Variants in FBXW12 observed in about 807,000 individuals in gnomAD.
The protein encoded by FBXW12 is F-box/WD repeat-containing protein 12.
In FBXW12, 43 loss-of-function variants were observed where a neutral mutation model predicts 55.3. That is an observed-to-expected ratio of 0.78 (90% CI 0.61 to 1.00). FBXW12 has a LOEUF of 1.00. FBXW12 is among the 50% of genes least tolerant of loss of function. The pLI is 0.00. For missense variants in FBXW12, 524 were observed against 560.5 expected (o/e 0.93, Z 0.66); for synonymous variants, 184 against 203.8 (o/e 0.90, Z 0.83).
chr3:48,392,226 G>T (rs1393146889), intron 10 of FBXW12, among the ~76,000 whole-genome samples: 1 of 152,158 alleles, frequency 6.6e-6, no homozygotes, highest in Non-Finnish European at 1.5e-5. Flanking sequence ...GCCAAGGCAG[G>T]CGGATCACGA....
In FBXW12 at chr3:48,378,389, C is replaced by T. The variant is rs2107157812; in HGVS notation, c.478C>T (p.Leu160Phe). ...TCTGGTAACCCTCCCTCAGATGCAT[C>T]TCGCCATCACTATGGATCGGAAAAA... ...SNLVTLPQMH[L>F]AITMDRKKTI... Residue 160 changes from leucine (L) to phenylalanine (F), a missense_variant, in exon 6 of 11, where the codon CTC becomes TTC. Transcript: ENST00000296438. 6.2e-7 allele frequency: 1 copy of T among 1,614,064 alleles called. No individual in the cohort carries two copies.
intron 4 of FBXW12, among the ~76,000 whole-genome samples, chr3:48,374,807 T>G (rs1326637152): frequency 2.1e-5 from 3 of 146,210 alleles, no homozygotes; most frequent in Non-Finnish European, 4.5e-5. Context: ...TCTCATTTTG[T>G]CTCCGAGGCT....
At chr3:48,390,881 T>C (rs1416904177) in intron 10 of FBXW12, among the ~76,000 whole-genome samples, 2 of 152,168 alleles carry the variant, frequency 1.3e-5, no homozygotes, top group Non-Finnish European at 2.9e-5. Context: ...ATGCCACTGA[T>C]TTTTATACAT....
chr3:48,386,649 CTTTT>C (rs774860739), intron 10 of FBXW12, among the ~76,000 whole-genome samples: 3 of 152,088 alleles, frequency 2.0e-5, no homozygotes, highest in African/African-American at 4.8e-5. Context: ...TTTATGTCTT[CTTTT>C]TCTTTTATCA....
intron 10 of FBXW12, among the ~76,000 whole-genome samples, chr3:48,382,456 A>G (rs2036792259): frequency 7.9e-6 from 1 of 126,236 alleles, no homozygotes; most frequent in Non-Finnish European, 1.8e-5. Flanking sequence ...AAGGGAAAAC[A>G]GGGGTTTTTT....
rs755455371 is a variant in FBXW12 at position 48,372,864 on chromosome 3, G to T, written c.90+7G>T. 1.2e-6 allele frequency: 2 copies of T among 1,613,444 alleles called. No individual in the cohort carries two copies. Among genetic ancestry groups the T allele is most frequent in the African/African-American group, 2.7e-5 (2 of 74,888 alleles). On this transcript the variant is annotated splice_region_variant and intron_variant, in intron 2 of 10. Coordinates refer to ENST00000296438, the MANE Select transcript of FBXW12 (RefSeq NM_207102.2). The stretch of plus-strand genomic sequence containing the variant: ...GGTTTCCCAGGTGAACAAGGTAAAG[G>T]CCTTCCACCTCCCACTGCCCCCCAA...
intron 10 of FBXW12, among the ~76,000 whole-genome samples, chr3:48,389,876 A>G (rs1377548424): frequency 6.6e-6 from 1 of 152,194 alleles, no homozygotes; most frequent in African/African-American, 2.4e-5. Context: ...ATTTTGGTGT[A>G]TGGTGAAAAG....
chr3:48,393,597 T>G (rs894813300), intron 10 of FBXW12, among the ~76,000 whole-genome samples: 59 of 152,132 alleles, frequency 3.9e-4, no homozygotes, highest in Admixed American at 3.9e-3. Context: ...GTAGAGCAGG[T>G]ATACTCAAAA....
At chr3:48,379,316 C>G in intron 6 of FBXW12, 84 bp from the exon 7 acceptor site, 1 of 1,251,742 alleles carries the variant, frequency 8.0e-7, no homozygotes. Context: ...AGTGGCATAT[C>G]TTGCAGCTCA....
At chr3:48,388,356 G>A (rs937052661) in intron 10 of FBXW12, among the ~76,000 whole-genome samples, 3 of 152,134 alleles carry the variant, frequency 2.0e-5, no homozygotes, top group Non-Finnish European at 4.4e-5. Context: ...TCTATCAATT[G>A]AGAGACTGTT....
At chr3:48,390,853 CATT>C (rs1281219447) in intron 10 of FBXW12, among the ~76,000 whole-genome samples, 1 of 152,086 alleles carries the variant, frequency 6.6e-6, no homozygotes, top group Non-Finnish European at 1.5e-5. Flanking sequence ...TCAGTTTAAA[CATT>C]ATCAGTATAT....
rs1274926428 is a variant in FBXW12, at chr3:48,381,763, G to A, written c.1049G>A (p.Ser350Asn). 2 of 1,611,252 alleles carry A rather than the reference G, an allele frequency of 1.2e-6. No homozygotes were observed. Among genetic ancestry groups the A allele is most frequent in the South Asian group, 1.1e-5 (1 of 90,806 alleles). Residue 350 changes from serine (S) to asparagine (N), a missense_variant, in exon 9 of 11, where the codon AGT (serine) becomes AAT (asparagine). Transcript: ENST00000296438. ...HLKCPIWMGA[S>N]DGYMIVFTSG... ...AAGTGCCCTATCTGGATGGGAGCCA[G>A]TGATGGATATATGATTGTCTTTACC...
At chr3:48,392,712 G>T (rs1468949539) in intron 10 of FBXW12, among the ~76,000 whole-genome samples, 1 of 152,118 alleles carries the variant, frequency 6.6e-6, no homozygotes, top group Non-Finnish European at 1.5e-5. Context: ...AAAATGTTGT[G>T]CCTCTTCCTT....
chr3:48,379,294 G>A (rs1047762416), intron 6 of FBXW12, 106 bp from the exon 7 acceptor site: 12 of 1,025,092 alleles, frequency 1.2e-5, no homozygotes, highest in Non-Finnish European at 1.7e-5. Context: ...TCCATTATGT[G>A]ATTGAAGAAA....
chr3:48,387,586 G>A (rs925066847), intron 10 of FBXW12, among the ~76,000 whole-genome samples: 5 of 151,790 alleles, frequency 3.3e-5, no homozygotes, highest in South Asian at 2.1e-4. Context: ...ATCTCAACCT[G>A]TCAGGCTGGA....
At position 48,372,822 on chromosome 3, in the gene FBXW12, C is replaced by T. The variant is rs1218784414; in HGVS notation, c.55C>T (p.Leu19=). The change falls in exon 2 of 11, where the codon CTG becomes TTG. Residue 19 remains leucine, a synonymous_variant. Transcript: ENST00000296438. ...ALKRIFSFLD[L]FGLLQVSQVN... ...GAAGCGAATCTTCTCTTTCCTGGAC[C>T]TGTTCGGCTTGCTGCAGGTTTCCCA... is the stretch of plus-strand genomic sequence containing the variant. 10 of 1,614,070 alleles carry T rather than the reference C, an allele frequency of 6.2e-6. No homozygotes were observed. Among genetic ancestry groups the T allele is most frequent in the East Asian group, 2.2e-5 (1 of 44,904 alleles).
At position 48,373,623 on chromosome 3, in the gene FBXW12, T is replaced by A; in HGVS notation, c.204T>A (p.Phe68Leu). The change falls in exon 4 of 11, where the codon TTT becomes TTA. Residue 68 changes from phenylalanine to leucine, a missense_variant. Physicochemically the swap from Phe to Leu is conservative, Grantham distance 22. Coordinates refer to ENST00000296438, the MANE Select transcript of FBXW12 (RefSeq NM_207102.2). ...TGGGCACACACACATGGAAGCAATT[T>A]TTCCTGCATCAAAGAAGGAAGGAGC... ...QHLGTHTWKQ[F>L]FLHQRRKELR... 8 of 1,614,176 alleles carry A rather than the reference T, an allele frequency of 5.0e-6. No homozygotes were observed. The highest frequency in any genetic ancestry group is 6.8e-6 in the Non-Finnish European group (8 of 1,180,038).
At chr3:48,373,774 G>T in intron 4 of FBXW12, 69 bp downstream of exon 4, 1 of 1,440,556 alleles carries the variant, frequency 6.9e-7, no homozygotes, top group Admixed American at 1.8e-5. Flanking sequence ...TTTGATTTTT[G>T]CTGTGTGCAG....
At chr3:48,389,503 T>C (rs1027902421) in intron 10 of FBXW12, among the ~76,000 whole-genome samples, 4 of 152,056 alleles carry the variant, frequency 2.6e-5, no homozygotes, top group South Asian at 2.1e-4. Flanking sequence ...CTCAGCCTCC[T>C]AAGTAGCTGG....
Sources: allele counts gnomAD v4.1 joint callset (sites outside exome capture counted in the v4.1 genomes callset), GRCh38; gene constraint gnomAD v4.1.1; transcripts MANE v1.5; gene names NCBI Gene and HGNC (gene_info 2026-07-23, HGNC 2026-07-21).